The following KAZN variants were observed in gnomAD, a reference collection of about 807,000 sequenced individuals.
KAZN encodes kazrin, periplakin interacting protein.
A neutral mutation model predicts 87.4 loss-of-function variants in KAZN; 40 were observed. That is an observed-to-expected ratio of 0.46 (90% CI 0.36 to 0.60). The LOEUF (loss-of-function observed/expected upper bound fraction) is 0.60. Ranked by LOEUF, KAZN falls within the 20% of genes least tolerant of loss-of-function variation. The probability of loss-of-function intolerance (pLI) is 0.00; values close to 1 mark genes in which losing one functional copy is unlikely to be tolerated. For missense variants in KAZN, 898 were observed against 1,073.9 expected (o/e 0.84, Z 2.29); for synonymous variants, 466 against 458.3 (o/e 1.02, Z -0.22).
chr1:14,910,673 A>G (rs1022638385), intron 1 of KAZN, among the ~76,000 whole-genome samples: 1 of 152,184 alleles, frequency 6.6e-6, no homozygotes, highest in Non-Finnish European at 1.5e-5. Context: ...AGGAGGGCTC[A>G]AAATCCCCAA....
rs1553119540 is a variant in KAZN at position 14,040,803 on chromosome 1, A to ATAAAATAAAAAATTAAAT, written c.92-139622_92-139621insAATTAAATTAAAATAAAA. ...TAAAATAAAATTAAATTAAATTAAA[A>ATAAAATAAAAAATTAAAT]TAAAATAAAATAAAATAGAAAAGAA... is the stretch of plus-strand genomic sequence containing the variant. On this transcript the variant is annotated intron_variant, in intron 1 of 16. Coordinates refer to the KAZN transcript ENST00000636203. 2.7e-5 allele frequency among the ~76,000 whole-genome samples: 4 copies of ATAAAATAAAAAATTAAAT among 150,774 alleles called. No individual in the cohort carries two copies. The East Asian group carries it at 7.8e-4, about 29-fold the overall frequency.
rs1053852698 is a variant in KAZN, at chr1:14,320,940, A to G, written c.249+140348A>G. 8.5e-5 allele frequency among the ~76,000 whole-genome samples: 13 copies of G among 152,282 alleles called. No homozygotes were observed. The East Asian group carries it at 2.5e-3, about 29-fold the overall frequency. ...GCTCTAACAGTGTATTATTCAAGAT[A>G]CTAGTTTTTTAGTTAACAAGAAAGT... On this transcript the variant is annotated intron_variant, in intron 2 of 16. Transcript: ENST00000636203.
intron 10 of KAZN, among the ~76,000 whole-genome samples, chr1:15,100,297 G>A (rs766430985): frequency 1.3e-5 from 2 of 152,154 alleles, no homozygotes; most frequent in Non-Finnish European, 2.9e-5. Context: ...CATGAAGGCA[G>A]GAAGGACAGG....
intron 1 of KAZN, among the ~76,000 whole-genome samples, chr1:14,764,384 A>ACCCCCCCCCCCCCCC (rs1408862725): frequency 9.5e-6 from 1 of 105,154 alleles, no homozygotes; most frequent in East Asian, 2.9e-4. Flanking sequence ...CCCCTCCCCC[A>ACCCCCCCCCCCCCCC]CACCCCCCCC....
At chr1:14,819,493 C>G (rs903206917) in intron 1 of KAZN, among the ~76,000 whole-genome samples, 1 of 152,000 alleles carries the variant, frequency 6.6e-6, no homozygotes, top group African/African-American at 2.4e-5. Context: ...GGCAGCCTTA[C>G]GAATAAAAAC....
chr1:14,943,475 A>G (rs529248772), intron 1 of KAZN, among the ~76,000 whole-genome samples: 57 of 152,322 alleles, frequency 3.7e-4, no homozygotes, highest in Non-Finnish European at 5.7e-4. Context: ...CTTCCTGGCA[A>G]GGGCTGGTCT....
At chr1:14,639,073 G>A (rs2294888) in intron 1 of KAZN, among the ~76,000 whole-genome samples, 36,243 of 151,980 alleles carry the variant, frequency 0.24, 4,521 homozygotes, top group South Asian at 0.31. Context: ...TCCCTGAAAC[G>A]CATCTTTCAT....
chr1:13,901,054 A>T (rs77295661), intron 1 of KAZN, among the ~76,000 whole-genome samples: 1 of 144,796 alleles, frequency 6.9e-6, no homozygotes, highest in Non-Finnish European at 1.5e-5. Context: ...AAAAAAAAAA[A>T]CAAAAAACAA....
rs377209265 is a variant in KAZN at position 14,125,281 on chromosome 1, G to A, written c.92-55154G>A. 1.6e-4 allele frequency among the ~76,000 whole-genome samples: 24 copies of A among 152,204 alleles called. No homozygotes were observed. In the East Asian group the frequency reaches 3.9e-3, roughly 25 times the overall value. On this transcript the variant is annotated intron_variant, in intron 1 of 16. Coordinates refer to the KAZN transcript ENST00000636203. ...CATGACTATCAAAAATGTCTTTTCCGACCTAGCAAAAATGTGTGGCAATGG... is the reference window on the plus strand; with the variant it reads ...CATGACTATCAAAAATGTCTTTTCCAACCTAGCAAAAATGTGTGGCAATGG...
intron 8 of KAZN, among the ~76,000 whole-genome samples, chr1:15,072,711 C>G (rs1419473544): frequency 6.6e-6 from 1 of 152,208 alleles, no homozygotes; most frequent in Non-Finnish European, 1.5e-5. Flanking sequence ...AGGTGAAGTT[C>G]TTGACTGGAG....
intron 1 of KAZN, among the ~76,000 whole-genome samples, chr1:13,941,110 G>A (rs12034240): frequency 0.017 from 2,577 of 152,146 alleles, 66 homozygotes; most frequent in African/African-American, 0.055. Context: ...GGAGAGAATC[G>A]CTTGAACCTA....
chr1:14,166,225 T>A (rs1322134871), intron 1 of KAZN, among the ~76,000 whole-genome samples: 2 of 152,064 alleles, frequency 1.3e-5, no homozygotes, highest in African/African-American at 4.8e-5. Flanking sequence ...TGAGGCAGGA[T>A]AATTGCTGGA....
chr1:14,571,574 G>C (rs1008566940), intron 2 of KAZN, among the ~76,000 whole-genome samples: 1 of 152,192 alleles, frequency 6.6e-6, no homozygotes, highest in Non-Finnish European at 1.5e-5. Flanking sequence ...CCTTGCAAGT[G>C]TTCTGGCAAA....
chr1:15,089,054 C>T (rs1439478106), intron 8 of KAZN, among the ~76,000 whole-genome samples: 11 of 152,048 alleles, frequency 7.2e-5, no homozygotes, highest in Admixed American at 7.2e-4. Flanking sequence ...GTCCACGTAT[C>T]TGTTATCCCC....
chr1:14,418,360 G>C (rs76633294), intron 2 of KAZN, among the ~76,000 whole-genome samples: 1 of 152,162 alleles, frequency 6.6e-6, no homozygotes, highest in Admixed American at 6.5e-5. Flanking sequence ...CAGTAAAGGA[G>C]ATAATATGCA....
intron 2 of KAZN, among the ~76,000 whole-genome samples, chr1:14,417,610 T>C (rs1258732526): frequency 6.6e-6 from 1 of 152,140 alleles, no homozygotes; most frequent in Non-Finnish European, 1.5e-5. Flanking sequence ...GTGGCTACTG[T>C]ACGCACAGGC....
intron 1 of KAZN, among the ~76,000 whole-genome samples, chr1:14,862,469 T>G (rs1405140547): frequency 6.6e-6 from 1 of 152,152 alleles, no homozygotes; most frequent in Non-Finnish European, 1.5e-5. Context: ...TGGTAGGGAT[T>G]TAATTGCTTT....
chr1:14,322,828 T>C (rs528688129), intron 2 of KAZN, among the ~76,000 whole-genome samples: 1 of 152,268 alleles, frequency 6.6e-6, no homozygotes, highest in African/African-American at 2.4e-5. Flanking sequence ...AAATCCCACA[T>C]GTATTAGTTT....
intron 2 of KAZN, among the ~76,000 whole-genome samples, chr1:14,302,986 T>G (rs1654664356): frequency 6.6e-6 from 1 of 152,172 alleles, no homozygotes. Context: ...GCTCACTGCA[T>G]TTTTGTTATG....
Sources: allele counts gnomAD v4.1 joint callset (sites outside exome capture counted in the v4.1 genomes callset), GRCh38; gene constraint gnomAD v4.1.1; transcripts MANE v1.5; gene names NCBI Gene and HGNC (gene_info 2026-07-23, HGNC 2026-07-21).